The following XIRP2 variants were observed in gnomAD, a reference collection of about 807,000 sequenced individuals.
XIRP2 encodes xin actin-binding repeat-containing protein 2.
A neutral mutation model predicts 277.0 loss-of-function variants in XIRP2; 236 were observed. The ratio of observed to expected loss-of-function variants is 0.85; its 90% CI spans 0.77 to 0.95. The LOEUF (loss-of-function observed/expected upper bound fraction) is 0.95, where lower values mean the gene tolerates loss of function less well. XIRP2 is among the 40% of genes least tolerant of loss of function. The probability of loss-of-function intolerance (pLI) is 0.00; values close to 1 mark genes in which losing one functional copy is unlikely to be tolerated. For synonymous variants in XIRP2, 1,490 were observed against 1,416.5 expected, an observed-to-expected ratio of 1.05 and a Z score of -1.17; for missense variants, 4,640 against 4,157.5, an observed-to-expected ratio of 1.12 and a Z score of -3.19.
At chr2:166,892,672 C>A (rs1684134046) in intron 1 of XIRP2, among the ~76,000 whole-genome samples, 1 of 151,936 alleles carries the variant, frequency 6.6e-6, no homozygotes, top group Non-Finnish European at 1.5e-5. Flanking sequence ...GTTGAGGCTT[C>A]TCAGGTTCCC....
chr2:166,958,750 C>A (rs1686230656), intron 2 of XIRP2, among the ~76,000 whole-genome samples: 1 of 151,630 alleles, frequency 6.6e-6, no homozygotes, highest in Non-Finnish European at 1.5e-5. Context: ...AAGAGTCAGT[C>A]TTCTTACTGT....
At chr2:167,073,174 A>G (rs1689476983) in intron 2 of XIRP2, among the ~76,000 whole-genome samples, 2 of 152,100 alleles carry the variant, frequency 1.3e-5, no homozygotes, top group African/African-American at 4.8e-5. Flanking sequence ...AAAATGATTT[A>G]TCTTTTTCTC....
At chr2:167,155,225 A>T (rs1343996965) in intron 3 of XIRP2, among the ~76,000 whole-genome samples, 1 of 151,656 alleles carries the variant, frequency 6.6e-6, no homozygotes, top group Non-Finnish European at 1.5e-5. Flanking sequence ...AAAAAGAGGG[A>T]ATCCTCCCTA....
chr2:167,258,237 C>A lies in XIRP2; in HGVS notation c.*420C>A. On this transcript the variant is annotated 3_prime_UTR_variant, in exon 11 of 11. Transcript: ENST00000409195. Reference sequence around the variant, plus strand: ...CTCAAAATGAGTAAACCTAAGTGGCCACCTGAAATGACAACCCTGCTATCC... The same window carrying A: ...CTCAAAATGAGTAAACCTAAGTGGCAACCTGAAATGACAACCCTGCTATCC... 6.2e-7 allele frequency: 1 copy of A among 1,612,986 alleles called. No individual in the cohort carries two copies. The highest frequency in any genetic ancestry group is 8.5e-7 in the Non-Finnish European group (1 of 1,179,546).
intron 2 of XIRP2, among the ~76,000 whole-genome samples, chr2:167,060,082 A>T (rs58289299): frequency 0.066 from 10,096 of 152,190 alleles, 581 homozygotes; most frequent in East Asian, 0.16. Flanking sequence ...AAACAAAAAG[A>T]TCCCACCAAA....
chr2:167,085,874 G>T (rs1417989434), intron 2 of XIRP2, among the ~76,000 whole-genome samples: 1 of 152,184 alleles, frequency 6.6e-6, no homozygotes, highest in African/African-American at 2.4e-5. Flanking sequence ...ACAGCACACT[G>T]AAGGGTCTTG....
At chr2:167,025,215 C>T in intron 2 of XIRP2, among the ~76,000 whole-genome samples, 1 of 152,182 alleles carries the variant, frequency 6.6e-6, no homozygotes, top group East Asian at 1.9e-4. Context: ...TTATCCATTT[C>T]TTCTAGATTT....
intron 3 of XIRP2, among the ~76,000 whole-genome samples, chr2:167,180,193 A>G (rs1388471527): frequency 6.6e-6 from 1 of 152,184 alleles, no homozygotes; most frequent in African/African-American, 2.4e-5. Flanking sequence ...TTATAAGGGC[A>G]TATCCAGATG....
chr2:167,180,679 A>C (rs1692985664), intron 3 of XIRP2, among the ~76,000 whole-genome samples: 1 of 152,202 alleles, frequency 6.6e-6, no homozygotes, highest in Non-Finnish European at 1.5e-5. Flanking sequence ...TTTTGGAATA[A>C]ACTAATAAAC....
chr2:167,155,057 A>G (rs374562572), intron 3 of XIRP2, among the ~76,000 whole-genome samples: 4 of 151,798 alleles, frequency 2.6e-5, no homozygotes, highest in East Asian at 1.9e-4. Context: ...AAGAAGTTGA[A>G]TCTCTGAATA....
intron 1 of XIRP2, among the ~76,000 whole-genome samples, chr2:166,899,462 T>C (rs1467092902): frequency 1.3e-5 from 2 of 152,148 alleles, no homozygotes; most frequent in African/African-American, 2.4e-5. Flanking sequence ...CTTTCTATTC[T>C]TTCTTCCTTC....
chr2:167,176,586 A>G (rs1305237017), intron 3 of XIRP2, among the ~76,000 whole-genome samples: 1 of 152,012 alleles, frequency 6.6e-6, no homozygotes. Flanking sequence ...GGGCTTCATG[A>G]TTTTTTAATT....
At chr2:167,092,410 C>T (rs1690174013) in intron 2 of XIRP2, among the ~76,000 whole-genome samples, 1 of 152,056 alleles carries the variant, frequency 6.6e-6, no homozygotes, top group Admixed American at 6.6e-5. Flanking sequence ...ACACCCTGAT[C>T]TTCATTACAC....
intron 3 of XIRP2, among the ~76,000 whole-genome samples, chr2:167,144,252 C>T (rs1314029608): frequency 2.0e-5 from 3 of 151,982 alleles, no homozygotes; most frequent in African/African-American, 7.2e-5. Context: ...ATTTTTGGCT[C>T]TTTTTCTACA....
chr2:167,106,206 A>T (rs1299842361), intron 2 of XIRP2, among the ~76,000 whole-genome samples: 1 of 151,582 alleles, frequency 6.6e-6, no homozygotes, highest in African/African-American at 2.4e-5. Context: ...TGTTCATTTT[A>T]TGGGTCATGA....
intron 2 of XIRP2, among the ~76,000 whole-genome samples, chr2:167,021,241 G>A (rs575794036): frequency 4.6e-4 from 70 of 152,038 alleles, no homozygotes; most frequent in Non-Finnish European, 7.4e-4. Context: ...TGAATAAATC[G>A]TCCCACTGCA....
intron 2 of XIRP2, among the ~76,000 whole-genome samples, chr2:167,027,906 A>T (rs1430750137): frequency 6.6e-6 from 1 of 152,080 alleles, no homozygotes; most frequent in Non-Finnish European, 1.5e-5. Flanking sequence ...GAAATAACAC[A>T]TTTGCCTAGC....
At chr2:167,176,973 C>T (rs2105353750) in intron 3 of XIRP2, among the ~76,000 whole-genome samples, 1 of 152,264 alleles carries the variant, frequency 6.6e-6, no homozygotes, top group Non-Finnish European at 1.5e-5. Context: ...GATTAAGGGA[C>T]CAAGCTGATT....
intron 2 of XIRP2, among the ~76,000 whole-genome samples, chr2:167,014,568 G>T (rs901395003): frequency 6.6e-6 from 1 of 151,440 alleles, no homozygotes; most frequent in Non-Finnish European, 1.5e-5. Context: ...AAGAAGTGGA[G>T]AATATAAAAG....
Sources: gnomAD v4.1 joint callset for allele counts (sites outside exome capture counted in the v4.1 genomes callset) on GRCh38, gnomAD v4.1.1 for gene constraint, MANE v1.5 for transcripts, NCBI Gene and HGNC (gene_info 2026-07-23, HGNC 2026-07-21) for gene names.